Variants in ANKRD12 observed in about 807,000 individuals in gnomAD.
The protein encoded by ANKRD12 is ankyrin repeat domain-containing protein 12.
ANKRD12 carries 85 observed loss-of-function variants against 183.4 expected under a neutral mutation model. The observed-to-expected ratio is 0.46, with a 90% CI of 0.39 to 0.56. The LOEUF (loss-of-function observed/expected upper bound fraction) is 0.56. Ranked by LOEUF, ANKRD12 falls within the 20% of genes least tolerant of loss-of-function variation. The pLI, the probability that ANKRD12 is intolerant of heterozygous loss-of-function variation, is 0.00. For missense variants in ANKRD12, 2,405 were observed against 2,357.1 expected, an observed-to-expected ratio of 1.02 and a Z score of -0.42; for synonymous variants, 914 against 800.2, an observed-to-expected ratio of 1.14 and a Z score of -2.40.
chr18:9,269,735 A>G (rs1048052625), intron 10 of ANKRD12, among the ~76,000 whole-genome samples: 16 of 152,240 alleles, frequency 1.1e-4, no homozygotes, highest in Non-Finnish European at 2.4e-4. Flanking sequence ...CTGAAACACC[A>G]AAGGCAATGG....
At chr18:9,166,595 T>G (rs992819752) in intron 1 of ANKRD12, among the ~76,000 whole-genome samples, 1 of 152,200 alleles carries the variant, frequency 6.6e-6, no homozygotes, top group Non-Finnish European at 1.5e-5. Context: ...TTGTTTGAGT[T>G]CATTGTAGAT....
rs1339557175 is a variant in ANKRD12 at position 9,257,843 on chromosome 18, A to G, written c.4576A>G (p.Asn1526Asp). 6.2e-7 allele frequency: 1 copy of G among 1,613,728 alleles called. No homozygotes were observed. The highest frequency in any genetic ancestry group is 2.2e-5 in the East Asian group (1 of 44,872). ...AGAGCCAGGTATTTTACAACAAAAA[A>G]ATGCAGTTCAGATTATTAGTTCTGC... ...NQEPGILQQK[N>D]AVQIISSALD... Residue 1526 changes from asparagine (N) to aspartate (D), a missense_variant, in exon 9 of 13, where the codon AAT becomes GAT. By Grantham distance (23) the Asn-to-Asp change is conservative. This residue lies in a region of ANKRD12 where 1,983 missense variants were observed against 1,725.9 expected (regional missense o/e 1.15). Coordinates refer to ENST00000262126, the MANE Select transcript of ANKRD12 (RefSeq NM_015208.5).
rs77825781 is a variant in ANKRD12, at chr18:9,205,530, C to T, written c.304+986C>T. ...CTGATAAGTCAGTAGTGCCTGGTTA[C>T]CAAAATTGAGGGGGTGGGGCATATT... is the stretch of plus-strand genomic sequence containing the variant. On this transcript the variant is annotated intron_variant, in intron 4 of 12. Coordinates refer to ENST00000262126, the MANE Select transcript of ANKRD12 (RefSeq NM_015208.5). Among the ~76,000 whole-genome samples, 561 of 151,986 alleles carry T rather than the reference C, an allele frequency of 3.7e-3. 2 individuals are homozygous for T. Among genetic ancestry groups the T allele is most frequent in the Non-Finnish European group, 4.9e-3 (333 of 67,964 alleles).
intron 1 of ANKRD12, among the ~76,000 whole-genome samples, chr18:9,140,292 T>C (rs2078271408): frequency 6.6e-6 from 1 of 152,202 alleles, no homozygotes; most frequent in Non-Finnish European, 1.5e-5. Context: ...ACAAGGTGTT[T>C]AGATCCCTGG....
chr18:9,206,541 A>C (rs1598556545), intron 4 of ANKRD12, among the ~76,000 whole-genome samples: 1 of 152,094 alleles, frequency 6.6e-6, no homozygotes, highest in African/African-American at 2.4e-5. Flanking sequence ...AGTTGTCTCT[A>C]TCCTAGCTGC....
At chr18:9,217,559 C>G (rs2036181369) in intron 7 of ANKRD12, among the ~76,000 whole-genome samples, 1 of 152,104 alleles carries the variant, frequency 6.6e-6, no homozygotes, top group Admixed American at 6.6e-5. Context: ...CTATTTTTCT[C>G]AATTACATTT....
rs188019520 is a variant in ANKRD12 at position 9,285,619 on chromosome 18, A to G, written c.*4493A>G. On this transcript the variant is annotated 3_prime_UTR_variant, in exon 13 of 13. Coordinates refer to ENST00000262126, the MANE Select transcript of ANKRD12 (RefSeq NM_015208.5). Reference sequence around the variant, plus strand: ...CAGTTTGATAAATCCTGACAAATGTAAACACTCATGTTACCATCACCCAAA... The same window carrying G: ...CAGTTTGATAAATCCTGACAAATGTGAACACTCATGTTACCATCACCCAAA... 6.6e-6 allele frequency: 1 copy of G among 152,234 alleles called. No homozygotes were observed. The highest frequency in any genetic ancestry group is 1.5e-5 in the Non-Finnish European group (1 of 67,990). 9.4% of individuals were successfully genotyped at this position (152,234 alleles called of 1,614,324 possible).
At chr18:9,146,779 A>G (rs914023322) in intron 1 of ANKRD12, among the ~76,000 whole-genome samples, 1 of 152,226 alleles carries the variant, frequency 6.6e-6, no homozygotes, top group Non-Finnish European at 1.5e-5. Flanking sequence ...ACCAGTTTAA[A>G]GTGTGTTTTC....
At chr18:9,186,789 T>C (rs2034099510) in intron 2 of ANKRD12, among the ~76,000 whole-genome samples, 1 of 151,180 alleles carries the variant, frequency 6.6e-6, no homozygotes, top group African/African-American at 2.4e-5. Context: ...CTCGCTCTTT[T>C]TCCCCGGGCC....
intron 1 of ANKRD12, among the ~76,000 whole-genome samples, chr18:9,145,897 A>G (rs1032065676): frequency 2.6e-5 from 4 of 152,236 alleles, no homozygotes; most frequent in African/African-American, 9.6e-5. Context: ...TTCTCTGTTT[A>G]TGGGCAACTT....
intron 8 of ANKRD12, among the ~76,000 whole-genome samples, chr18:9,248,819 G>T (rs751974574): frequency 1.3e-5 from 2 of 152,196 alleles, no homozygotes; most frequent in Non-Finnish European, 2.9e-5. Flanking sequence ...TCTGTGCTCC[G>T]CATGGCAGTT....
intron 1 of ANKRD12, among the ~76,000 whole-genome samples, chr18:9,149,758 G>A (rs183061316): frequency 1.7e-4 from 26 of 149,744 alleles, no homozygotes; most frequent in African/African-American, 6.4e-4. Flanking sequence ...AAAGCAAACC[G>A]ACTATTTGTA....
At chr18:9,273,658 C>T (rs2039705773) in intron 10 of ANKRD12, among the ~76,000 whole-genome samples, 1 of 152,120 alleles carries the variant, frequency 6.6e-6, no homozygotes, top group Non-Finnish European at 1.5e-5. Flanking sequence ...AAACATGCAT[C>T]CAAACAAAAA....
chr18:9,196,561 A>G (rs2034838666), intron 3 of ANKRD12, among the ~76,000 whole-genome samples: 1 of 152,186 alleles, frequency 6.6e-6, no homozygotes, highest in East Asian at 1.9e-4. Context: ...TAGTCATTTT[A>G]ATTGTCAGTT....
intron 8 of ANKRD12, among the ~76,000 whole-genome samples, chr18:9,232,351 T>G (rs1055508273): frequency 6.6e-6 from 1 of 152,216 alleles, no homozygotes; most frequent in East Asian, 1.9e-4. Context: ...CTGGGAAAGA[T>G]TCTATTTCTT....
rs2078119146 is a variant in ANKRD12, at chr18:9,136,941, GCCT to G, written c.-72_-70del. On this transcript the variant is annotated 5_prime_UTR_variant, in exon 1 of 13. Coordinates refer to ENST00000262126, the MANE Select transcript of ANKRD12 (RefSeq NM_015208.5). ...CCGAAGCACTCGTTCCGGGGGTGAA[GCCT>G]CCTGCGCCGGCCTTGCCTCGGGTCC... 6.6e-6 allele frequency: 1 copy of G among 152,290 alleles called. No individual in the cohort carries two copies. The highest frequency in any genetic ancestry group is 1.5e-5 in the Non-Finnish European group (1 of 68,110). The allele number at this position is 152,290 out of a possible 1,614,324, so 9.4% of individuals were successfully genotyped here.
intron 10 of ANKRD12, among the ~76,000 whole-genome samples, chr18:9,266,074 T>C (rs571131513): frequency 6.6e-6 from 1 of 152,032 alleles, no homozygotes; most frequent in Non-Finnish European, 1.5e-5. Context: ...GAAAAAAGAA[T>C]AAAAAGAAAC....
chr18:9,251,646 T>C (rs2038305520), intron 8 of ANKRD12, among the ~76,000 whole-genome samples: 1 of 151,966 alleles, frequency 6.6e-6, no homozygotes, highest in Non-Finnish European at 1.5e-5. Flanking sequence ...ATACAAAAAT[T>C]AGACATGCGT....
At chr18:9,145,061 T>A (rs992230253) in intron 1 of ANKRD12, among the ~76,000 whole-genome samples, 2 of 152,208 alleles carry the variant, frequency 1.3e-5, no homozygotes, top group Non-Finnish European at 2.9e-5. Context: ...ATTTTTATCT[T>A]TTTATTTCTG....
Sources: allele counts gnomAD v4.1 joint callset (sites outside exome capture counted in the v4.1 genomes callset), GRCh38; gene constraint gnomAD v4.1.1; regional missense constraint gnomAD v4.1.1; transcripts MANE v1.5; gene names NCBI Gene and HGNC (gene_info 2026-07-23, HGNC 2026-07-21).